RASA2: variants seen among roughly 807,000 people sequenced by gnomAD.
RASA2 encodes RAS p21 protein activator 2.
RASA2 carries 155 observed loss-of-function variants against 118.2 expected under a neutral mutation model. That is an observed-to-expected ratio of 1.31 (90% CI 1.15 to 1.50). The LOEUF is 1.50. Ranked by LOEUF, RASA2 falls within the 40% of genes most tolerant of loss-of-function variation. RASA2 has a pLI of 0.00. For synonymous variants in RASA2, 353 were observed against 349.1 expected (o/e 1.01, Z -0.12); for missense variants, 1,016 against 1,009.6 (o/e 1.01, Z -0.09).
intron 1 of RASA2, among the ~76,000 whole-genome samples, chr3:141,508,060 C>T (rs1057476527): frequency 2.0e-5 from 3 of 151,686 alleles, no homozygotes; most frequent in Admixed American, 6.6e-5. Context: ...TAAATAATAC[C>T]GTCAAACAAT....
Position 141,576,999 on chromosome 3 carries a change from G to T in RASA2, c.1484-1G>T. ...GACATTTCACCATTTTTTTCCTGCA[G>T]ATGACCCTCATGTTCAGTATTCTGC... is the stretch of plus-strand genomic sequence containing the variant. On this transcript the variant is annotated splice_acceptor_variant, in intron 14 of 23. Transcript: ENST00000286364. LOFTEE classifies it high-confidence loss of function. 6.4e-7 allele frequency: 1 copy of T among 1,572,094 alleles called. No individual in the cohort carries two copies. Among genetic ancestry groups the T allele is most frequent in the Non-Finnish European group, 8.6e-7 (1 of 1,160,650 alleles).
Position 141,526,115 on chromosome 3 carries a change from A to C in RASA2, c.356-3593A>C, listed in dbSNP as rs147815142. ...AGCGGCAAGTTTAAAAATATTGTTCAGCTTTCCTCATCTGTAAGATGGTGA... is the reference window on the plus strand; with the variant it reads ...AGCGGCAAGTTTAAAAATATTGTTCCGCTTTCCTCATCTGTAAGATGGTGA... On this transcript the variant is annotated intron_variant, in intron 3 of 23. Coordinates refer to ENST00000286364, the MANE Select transcript of RASA2 (RefSeq NM_006506.5). 6.2e-4 allele frequency: 94 copies of C among 152,328 alleles called. 1 individual carries two copies. Among genetic ancestry groups the C allele is most frequent in the African/African-American group, 1.9e-3 (81 of 41,560 alleles). The allele number at this position is 152,328 out of a possible 1,614,324, so 9.4% of individuals were successfully genotyped here.
At chr3:141,580,135 C>A in intron 15 of RASA2, among the ~76,000 whole-genome samples, 1 of 127,050 alleles carries the variant, frequency 7.9e-6, no homozygotes, top group Non-Finnish European at 1.6e-5. Flanking sequence ...AAAAGCACCA[C>A]ATCTTTAATA....
chr3:141,608,823 A>G, intron 21 of RASA2, 126 bp downstream of exon 21: 1 of 1,032,224 alleles, frequency 9.7e-7, no homozygotes, highest in Non-Finnish European at 1.4e-6. Flanking sequence ...GGGACCTTGA[A>G]AAATTATGCT....
At chr3:141,529,684 T>C (rs769451904) in intron 3 of RASA2, 24 bp from the exon 4 acceptor site, 6 of 1,525,734 alleles carry the variant, frequency 3.9e-6, no homozygotes, top group Admixed American at 1.7e-5. Context: ...TGTTTTCTTA[T>C]ATTGTTTTAC....
chr3:141,588,359 A>G (rs2083238389), intron 19 of RASA2, among the ~76,000 whole-genome samples: 1 of 152,240 alleles, frequency 6.6e-6, no homozygotes, highest in African/African-American at 2.4e-5. Flanking sequence ...CCCAATGGAT[A>G]TAGTAAGCAA....
chr3:141,488,449 C>G (rs2081604321), intron 1 of RASA2, among the ~76,000 whole-genome samples: 1 of 152,136 alleles, frequency 6.6e-6, no homozygotes, highest in African/African-American at 2.4e-5. Flanking sequence ...CTGTTGAGCT[C>G]ACATTCTCCC....
At chr3:141,493,690 T>G (rs1284438475) in intron 1 of RASA2, among the ~76,000 whole-genome samples, 4 of 152,216 alleles carry the variant, frequency 2.6e-5, no homozygotes, top group Admixed American at 1.3e-4. Flanking sequence ...TAATTCTATT[T>G]GATTAGATAA....
chr3:141,549,947 G>C (rs143897716), intron 5 of RASA2, among the ~76,000 whole-genome samples: 1 of 152,094 alleles, frequency 6.6e-6, no homozygotes, highest in Non-Finnish European at 1.5e-5. Context: ...AATAATAGTG[G>C]ATTAAAACTT....
chr3:141,500,886 A>C (rs549215733), intron 1 of RASA2, among the ~76,000 whole-genome samples: 2 of 151,726 alleles, frequency 1.3e-5, no homozygotes, highest in South Asian at 2.1e-4. Flanking sequence ...TTTGTCTCTC[A>C]GATTTTAGAG....
Position 141,573,041 on chromosome 3 carries a change from A to G in RASA2, c.1285-106A>G, listed in dbSNP as rs562350678. On this transcript the variant is annotated intron_variant, in intron 12 of 23. Transcript: ENST00000286364. ...TGCATAGGACATTTTACGCTTTGCT[A>G]CAGTTTAAATTTCTATAATTAACTT... is the stretch of plus-strand genomic sequence containing the variant. 61 of 1,012,746 alleles carry G rather than the reference A, an allele frequency of 6.0e-5. No homozygotes were observed. The South Asian group carries it at 1.1e-3, about 18-fold the overall frequency. The allele number at this position is 1,012,746 out of a possible 1,614,324, so 62.7% of individuals were successfully genotyped here.
At chr3:141,597,752 GTGAA>G (rs2083395951) in intron 19 of RASA2, among the ~76,000 whole-genome samples, 1 of 152,004 alleles carries the variant, frequency 6.6e-6, no homozygotes, top group African/African-American at 2.4e-5. Flanking sequence ...AGTACAATCA[GTGAA>G]ATAGGAAACA....
intron 17 of RASA2, among the ~76,000 whole-genome samples, chr3:141,584,418 A>G (rs1323419911): frequency 6.6e-6 from 1 of 152,020 alleles, no homozygotes; most frequent in Non-Finnish European, 1.5e-5. Flanking sequence ...AGACAGCCAA[A>G]TACTAAAAAG....
chr3:141,586,990 T>G, intron 19 of RASA2: 1 of 509,584 alleles, frequency 2.0e-6, no homozygotes, highest in Non-Finnish European at 3.5e-6. Flanking sequence ...GTGTGCTCTG[T>G]TTTCTAAAAA....
intron 10 of RASA2, 122 bp downstream of exon 10, chr3:141,571,190 A>G (rs1577758449): frequency 6.3e-6 from 7 of 1,117,072 alleles, no homozygotes; most frequent in Non-Finnish European, 8.7e-6. Context: ...ATATACATAC[A>G]TATATATACA....
chr3:141,507,212 C>T lies in RASA2; in HGVS notation c.134-4951C>T, dbSNP rs1214871002. Among the ~76,000 whole-genome samples, 3 of 152,272 alleles carry T rather than the reference C, an allele frequency of 2.0e-5. No individual in the cohort carries two copies. In the East Asian group the frequency reaches 5.8e-4, roughly 29 times the overall value. On this transcript the variant is annotated intron_variant, in intron 1 of 23. Coordinates refer to ENST00000286364, the MANE Select transcript of RASA2 (RefSeq NM_006506.5). ...TGTCCATGTTTGATCCAGATAGCCA[C>T]GTGTAGCCGGTGGATTTACCCAACC...
In RASA2 at chr3:141,612,978, T is replaced by C. The variant is rs1355074247; in HGVS notation, c.*665T>C. 6.6e-6 allele frequency: 1 copy of C among 152,178 alleles called. No homozygotes were observed. The highest frequency in any genetic ancestry group is 2.4e-5 in the African/African-American group (1 of 41,448). 9.4% of individuals were successfully genotyped at this position (152,178 alleles called of 1,614,324 possible). Reference sequence around the variant, plus strand: ...GCTATTGTGTGCATCTTGTTTACATTTGGGATCAGTGATGGCAAAAGAAGT... The same window carrying C: ...GCTATTGTGTGCATCTTGTTTACATCTGGGATCAGTGATGGCAAAAGAAGT... On this transcript the variant is annotated 3_prime_UTR_variant, in exon 24 of 24. Coordinates refer to ENST00000286364, the MANE Select transcript of RASA2 (RefSeq NM_006506.5).
At chr3:141,612,120 G>C (rs937833024) in intron 23 of RASA2, among the ~76,000 whole-genome samples, 163 bp from the exon 24 acceptor site, 1 of 152,156 alleles carries the variant, frequency 6.6e-6, no homozygotes, top group Non-Finnish European at 1.5e-5. Context: ...TAGGGTCTAA[G>C]ATTGAATAGG....
At chr3:141,516,767 G>A (rs964945379) in intron 3 of RASA2, among the ~76,000 whole-genome samples, 18 of 151,570 alleles carry the variant, frequency 1.2e-4, no homozygotes, top group African/African-American at 4.4e-4. Context: ...AAAAGGGCAG[G>A]GACTCTTTTT....
Sources: gnomAD v4.1 joint callset for allele counts (sites outside exome capture counted in the v4.1 genomes callset) on GRCh38, gnomAD v4.1.1 for gene constraint, MANE v1.5 for transcripts, NCBI Gene and HGNC (gene_info 2026-07-23, HGNC 2026-07-21) for gene names.